STAG2: variants seen among roughly 807,000 people sequenced by gnomAD.
STAG2 encodes the protein cohesin subunit SA-2.
A neutral mutation model predicts 108.1 loss-of-function variants in STAG2; 14 were observed. The observed-to-expected ratio is 0.13, with a 90% CI of 0.09 to 0.20. STAG2 has a LOEUF of 0.20. Ranked by LOEUF, STAG2 falls within the 10% of genes least tolerant of loss-of-function variation. The probability of loss-of-function intolerance (pLI) is 1.00; values close to 1 mark genes in which losing one functional copy is unlikely to be tolerated. For missense variants in STAG2, 440 were observed against 940.9 expected, an observed-to-expected ratio of 0.47 and a Z score of 6.96; for synonymous variants, 307 against 302.7, an observed-to-expected ratio of 1.01 and a Z score of -0.15.
intron 1 of STAG2, among the ~76,000 whole-genome samples, chrX:124,006,604 A>C (rs1056479918): frequency 1.0e-4 from 11 of 109,461 alleles, no homozygotes; most frequent in Non-Finnish European, 2.1e-4. Context: ...ACGCCCGGCT[A>C]ATTTTTTTGT....
At chrX:124,015,249 G>C (rs1399543729) in intron 1 of STAG2, among the ~76,000 whole-genome samples, 1 of 108,967 alleles carries the variant, frequency 9.2e-6, no homozygotes, top group Non-Finnish European at 1.9e-5. Context: ...GCCTCCCAAA[G>C]TGCTGGGATT....
intron 1 of STAG2, among the ~76,000 whole-genome samples, chrX:123,989,333 GT>G (rs2055336901): frequency 9.0e-6 from 1 of 111,388 alleles, no homozygotes; most frequent in African/African-American, 3.3e-5. Context: ...ACTGCTGATA[GT>G]TTTTTGTATC....
chrX:123,991,638 C>T (rs1479824727), intron 1 of STAG2, among the ~76,000 whole-genome samples: 1 of 110,061 alleles, frequency 9.1e-6, no homozygotes, highest in Non-Finnish European at 1.9e-5. Flanking sequence ...CAGGCGTGAG[C>T]CACCATGCCC....
intron 6 of STAG2, among the ~76,000 whole-genome samples, chrX:124,041,042 G>T (rs2057700836): frequency 1.9e-5 from 2 of 106,868 alleles, no homozygotes; most frequent in South Asian, 4.2e-4. Flanking sequence ...GTAGTGACGG[G>T]GTTTCACCAT....
chrX:124,030,310 G>A (rs1602940869), intron 4 of STAG2, among the ~76,000 whole-genome samples: 1 of 112,031 alleles, frequency 8.9e-6, no homozygotes, highest in East Asian at 2.8e-4. Context: ...AGAATTCTCT[G>A]ATTATACTTG....
rs908719111 is a variant in STAG2 at position 124,011,548 on chromosome X, T to C, written c.-162-9819T>C. 2.7e-5 allele frequency among the ~76,000 whole-genome samples: 3 copies of C among 111,833 alleles called. No individual in the cohort carries two copies. In the East Asian group the frequency reaches 8.3e-4, roughly 31 times the overall value. On this transcript the variant is annotated intron_variant, in intron 1 of 34. Coordinates refer to ENST00000371145, the MANE Select transcript of STAG2 (RefSeq NM_001042750.2). ...CTTTTACTATGTAGAGATAGCGTCT[T>C]AGTCCATTTTCTGTTCCTTACAACA...
At chrX:123,975,101 T>G (rs1286799683) in intron 1 of STAG2, among the ~76,000 whole-genome samples, 1 of 111,836 alleles carries the variant, frequency 8.9e-6, no homozygotes. Flanking sequence ...GGCTAGAATG[T>G]TATTACAAAG....
In STAG2 at chrX:124,051,187, T is replaced by G; in HGVS notation, c.1084T>G (p.Ser362Ala). The change falls in exon 12 of 35, where the codon TCC (serine) becomes GCC (alanine). Residue 362 changes from serine (S) to alanine (A), a missense_variant. Around this residue, in one of 3 missense-constraint regions of STAG2, gnomAD observed 69 missense variants for 254.9 expected, o/e 0.27. Coordinates refer to ENST00000371145, the MANE Select transcript of STAG2 (RefSeq NM_001042750.2). ...GCTTTATTATAACAAAGAGCTTAAT[T>G]CCAAACTGGAACTTTTTACCAGTCG... ...QGLYYNKELN[S>A]KLELFTSRFK... The G allele has an allele frequency of 8.4e-7, 1 of 1,192,131 alleles. No individual in the cohort carries two copies. The highest frequency in any genetic ancestry group is 3.0e-5 in the East Asian group (1 of 33,420).
chrX:123,967,391 G>C (rs1425967443), intron 1 of STAG2, among the ~76,000 whole-genome samples: 2 of 102,746 alleles, frequency 1.9e-5, no homozygotes, highest in Admixed American at 1.1e-4. Flanking sequence ...TCGGCCTCCC[G>C]AGTAGCTGGG....
chrX:124,041,011 C>T (rs2057699391), intron 6 of STAG2, among the ~76,000 whole-genome samples: 1 of 107,096 alleles, frequency 9.3e-6, no homozygotes, highest in South Asian at 4.1e-4. Flanking sequence ...CAGGCATGCC[C>T]AGCTAATTTT....
At chrX:124,074,465 T>G (rs1220802823) in intron 25 of STAG2, among the ~76,000 whole-genome samples, 1 of 112,480 alleles carries the variant, frequency 8.9e-6, no homozygotes, top group Admixed American at 9.5e-5. Flanking sequence ...GTGGAATTGC[T>G]AGATTATGTA....
At chrX:124,014,104 A>G (rs972639309) in intron 1 of STAG2, among the ~76,000 whole-genome samples, 2 of 111,405 alleles carry the variant, frequency 1.8e-5, no homozygotes, top group Non-Finnish European at 3.8e-5. Flanking sequence ...AACTAGGAAT[A>G]TTGCTGTGCA....
chrX:124,018,505 G>GAT (rs781251634), intron 1 of STAG2, among the ~76,000 whole-genome samples: 4 of 110,641 alleles, frequency 3.6e-5, no homozygotes, highest in African/African-American at 1.3e-4. Flanking sequence ...CGGATGGATG[G>GAT]ATAGATGGAT....
At chrX:124,090,540 A>G (rs761399195) in intron 30 of STAG2, 35 bp from the exon 31 acceptor site, 19 of 1,137,273 alleles carry the variant, frequency 1.7e-5, no homozygotes, top group Non-Finnish European at 2.3e-5. Flanking sequence ...AGTCAAAATT[A>G]GTGACTAAAC....
chrX:124,025,395 G>A (rs1380831582), intron 3 of STAG2, among the ~76,000 whole-genome samples: 1 of 110,983 alleles, frequency 9.0e-6, no homozygotes, highest in Non-Finnish European at 1.9e-5. Context: ...AATACTTTTC[G>A]AGTGAGGTAG....
rs779024601 is a variant in STAG2 at position 123,986,050 on chromosome X, A to G, written c.-163+24194A>G. On this transcript the variant is annotated intron_variant, in intron 1 of 34. Coordinates refer to ENST00000371145, the MANE Select transcript of STAG2 (RefSeq NM_001042750.2). The stretch of plus-strand genomic sequence containing the variant: ...TAGTACTCTAACCTCACATATATAT[A>G]TATCATATATATGTGTCATATATCA... Among the ~76,000 whole-genome samples the G allele has an allele frequency of 2.3e-4, 24 of 105,908 alleles. 1 individual carries two copies. Among genetic ancestry groups the G allele is most frequent in the Admixed American group, 7.3e-4 (7 of 9,553 alleles). The allele number at this position is 105,908 out of a possible 115,157, so 92.0% of individuals were successfully genotyped here. A position where few individuals can be genotyped will look rare whatever the true frequency, so the allele number is the denominator to read the frequency against.
intron 27 of STAG2, among the ~76,000 whole-genome samples, 190 bp downstream of exon 27, chrX:124,078,248 G>A (rs1238717672): frequency 8.9e-6 from 1 of 112,000 alleles, no homozygotes; most frequent in Non-Finnish European, 1.9e-5. Context: ...GCTATCTAAG[G>A]TATGGAGGAA....
At chrX:124,012,809 A>T (rs1369701876) in intron 1 of STAG2, among the ~76,000 whole-genome samples, 2 of 111,858 alleles carry the variant, frequency 1.8e-5, no homozygotes, top group Non-Finnish European at 1.9e-5. Context: ...AATCTACTGA[A>T]TTGTTTTTTG....
chrX:124,064,444 GTTTT>G (rs757340317), intron 20 of STAG2, among the ~76,000 whole-genome samples: 1 of 96,245 alleles, frequency 1.0e-5, no homozygotes. Flanking sequence ...AGGACATTAT[GTTTT>G]TTTTTTTTTT....
Sources: gnomAD v4.1 joint callset for allele counts (sites outside exome capture counted in the v4.1 genomes callset) on GRCh38, gnomAD v4.1.1 for gene constraint, gnomAD v4.1.1 regional missense constraint, MANE v1.5 for transcripts, NCBI Gene and HGNC (gene_info 2026-07-23, HGNC 2026-07-21) for gene names.